SLC44A5: variants seen among roughly 807,000 people sequenced by gnomAD.
The protein encoded by SLC44A5 is solute carrier family 44 member 5, also known as choline transporter-like protein 5.
SLC44A5 carries 57 observed loss-of-function variants against 101.8 expected under a neutral mutation model. The ratio of observed to expected loss-of-function variants is 0.56; its 90% CI spans 0.45 to 0.70. The LOEUF is 0.70. Ranked by LOEUF, SLC44A5 falls within the 30% of genes least tolerant of loss-of-function variation. SLC44A5 has a pLI of 0.00. For synonymous variants in SLC44A5, 281 were observed against 290.9 expected (o/e 0.97, Z 0.35); for missense variants, 737 against 853.1 (o/e 0.86, Z 1.70).
At chr1:75,689,289 G>A in the SLC44A5 span, among the ~76,000 whole-genome samples, 1 of 148,282 alleles carries the variant, frequency 6.7e-6, no homozygotes, top group Non-Finnish European at 1.5e-5. Context: ...TAAACTTCCT[G>A]GGAGAAAGGG....
chr1:75,252,834 T>C (rs1354917269), intron 6 of SLC44A5, among the ~76,000 whole-genome samples: 1 of 152,154 alleles, frequency 6.6e-6, no homozygotes, highest in Non-Finnish European at 1.5e-5. Flanking sequence ...TAAACGGACT[T>C]GAGCCTCCCT....
At chr1:75,651,413 T>A in the SLC44A5 span, among the ~76,000 whole-genome samples, 1 of 152,286 alleles carries the variant, frequency 6.6e-6, no homozygotes, top group South Asian at 2.1e-4. Flanking sequence ...GAGTCCATTG[T>A]GTAGTAGAAG....
intron 1 of SLC44A5, among the ~76,000 whole-genome samples, chr1:75,567,674 G>A (rs1672860440): frequency 1.3e-5 from 2 of 152,094 alleles, no homozygotes; most frequent in South Asian, 4.1e-4. Flanking sequence ...GGCCTTTCAC[G>A]GATGTATGAA....
chr1:75,664,682 G>A, the SLC44A5 span, among the ~76,000 whole-genome samples: 4 of 152,120 alleles, frequency 2.6e-5, no homozygotes, highest in African/African-American at 4.8e-5. Context: ...AGCACTTTGG[G>A]AGGCCGAGGC....
chr1:75,255,705 A>G (rs1252045949), intron 6 of SLC44A5, among the ~76,000 whole-genome samples: 1 of 152,182 alleles, frequency 6.6e-6, no homozygotes, highest in Non-Finnish European at 1.5e-5. Context: ...GAAAGAATTA[A>G]ACAGGCCTCT....
chr1:75,220,405 C>T (rs1647054016), intron 14 of SLC44A5, among the ~76,000 whole-genome samples: 1 of 152,046 alleles, frequency 6.6e-6, no homozygotes, highest in African/African-American at 2.4e-5. Flanking sequence ...TGTTTGCAAC[C>T]TATATCCTCT....
At chr1:75,516,903 C>G (rs1045882006) in intron 2 of SLC44A5, among the ~76,000 whole-genome samples, 1 of 152,066 alleles carries the variant, frequency 6.6e-6, no homozygotes, top group Non-Finnish European at 1.5e-5. Context: ...AGAGTATCTC[C>G]CATTATAAGT....
chr1:75,387,954 C>T lies in SLC44A5; in HGVS notation c.52+8629G>A, dbSNP rs1358155369. ...GAAATCATCATTCTCAGTAAACTATCGCAAGAACAAAAAACCAAACACCAC... is the reference window on the plus strand; with the variant it reads ...GAAATCATCATTCTCAGTAAACTATTGCAAGAACAAAAAACCAAACACCAC... On this transcript the variant is annotated intron_variant, in intron 3 of 23. Coordinates refer to ENST00000370859, the MANE Select transcript of SLC44A5 (RefSeq NM_001130058.2). 4.4e-3 allele frequency among the ~76,000 whole-genome samples: 651 copies of T among 147,370 alleles called. 7 individuals are homozygous for T. Among genetic ancestry groups the T allele is most frequent in the African/African-American group, 0.016 (623 of 39,528 alleles).
At chr1:75,576,847 A>G (rs1440155758) in intron 1 of SLC44A5, among the ~76,000 whole-genome samples, 2 of 152,266 alleles carry the variant, frequency 1.3e-5, no homozygotes, top group East Asian at 3.9e-4. Context: ...AGAGAAGTTA[A>G]CCTTTCTAAA....
intron 3 of SLC44A5, among the ~76,000 whole-genome samples, chr1:75,388,920 G>C (rs1255683385): frequency 6.6e-6 from 1 of 152,052 alleles, no homozygotes; most frequent in Non-Finnish European, 1.5e-5. Flanking sequence ...GTCTTCAAGA[G>C]ACACATATCA....
chr1:75,579,022 AT>A (rs540048774), intron 1 of SLC44A5, among the ~76,000 whole-genome samples: 267 of 152,324 alleles, frequency 1.8e-3, no homozygotes, highest in African/African-American at 6.1e-3. Context: ...ATTCAAATCA[AT>A]AATAGTAATA....
chr1:75,412,433 G>T (rs76360113), intron 2 of SLC44A5, among the ~76,000 whole-genome samples: 5,029 of 152,120 alleles, frequency 0.033, 289 homozygotes, highest in African/African-American at 0.12. Flanking sequence ...AGCTTAGATC[G>T]AACCTCAGAA....
chr1:75,240,043 T>C (rs141498091), intron 9 of SLC44A5, among the ~76,000 whole-genome samples: 3 of 152,200 alleles, frequency 2.0e-5, no homozygotes, highest in African/African-American at 4.8e-5. Context: ...TTTCATATAT[T>C]TTTTTCTGGA....
At position 75,339,564 on chromosome 1, in the gene SLC44A5, C is replaced by CA; in HGVS notation, c.101+17dup. The CA allele has an allele frequency of 1.3e-6, 2 of 1,592,996 alleles. No individual in the cohort carries two copies. The highest frequency in any genetic ancestry group is 1.8e-5 in the Admixed American group (1 of 57,126). On this transcript the variant is annotated intron_variant, in intron 4 of 23. Coordinates refer to ENST00000370859, the MANE Select transcript of SLC44A5 (RefSeq NM_001130058.2). ...TGTATGTTTAAAAAAGCATATTCCC[C>CA]AAAAAATAATTGCTTACCTGTTGGC...
chr1:75,222,470 G>GA lies in SLC44A5; in HGVS notation c.986-11_986-10insT. The GA allele has an allele frequency of 6.5e-7, 1 of 1,550,118 alleles. No individual in the cohort carries two copies. The highest frequency in any genetic ancestry group is 1.2e-5 in the South Asian group (1 of 86,774). ...ATGCAGAGTATTATCACTTTGAACA[G>GA]GAAAAAAAAAATCAGTCTGTAATAC... On this transcript the variant is annotated splice_polypyrimidine_tract_variant and intron_variant, in intron 13 of 23. Coordinates refer to ENST00000370859, the MANE Select transcript of SLC44A5 (RefSeq NM_001130058.2).
intron 2 of SLC44A5, among the ~76,000 whole-genome samples, chr1:75,529,251 T>C (rs796231468): frequency 6.6e-6 from 1 of 152,318 alleles, no homozygotes; most frequent in African/African-American, 2.4e-5. Flanking sequence ...AAATAAGAAC[T>C]GGCAACCCTT....
chr1:75,423,456 C>A (rs1664131667), intron 2 of SLC44A5, among the ~76,000 whole-genome samples: 1 of 152,100 alleles, frequency 6.6e-6, no homozygotes, highest in African/African-American at 2.4e-5. Context: ...TGGTTATTTC[C>A]CCTAAAGTAT....
chr1:75,351,350 C>T (rs778225107), intron 3 of SLC44A5, among the ~76,000 whole-genome samples: 10 of 151,650 alleles, frequency 6.6e-5, no homozygotes, highest in Non-Finnish European at 1.2e-4. Flanking sequence ...GGTGGTAGGA[C>T]GATGGATATC....
chr1:75,215,373 C>T (rs986942060), intron 19 of SLC44A5, among the ~76,000 whole-genome samples: 1 of 152,184 alleles, frequency 6.6e-6, no homozygotes, highest in East Asian at 1.9e-4. Flanking sequence ...GGATAAGACC[C>T]TTCTTTAAAA....
Sources: allele counts gnomAD v4.1 joint callset (sites outside exome capture counted in the v4.1 genomes callset), GRCh38; gene constraint gnomAD v4.1.1; transcripts MANE v1.5; gene names NCBI Gene and HGNC (gene_info 2026-07-23, HGNC 2026-07-21).